The following IFI44 variants were observed in gnomAD, a reference collection of about 807,000 sequenced individuals.
IFI44 encodes interferon-induced protein 44.
IFI44 carries 42 observed loss-of-function variants against 45.0 expected under a neutral mutation model. The observed-to-expected ratio is 0.93, with a 90% CI of 0.73 to 1.21. IFI44 has a LOEUF of 1.21. Among genes scored for constraint, IFI44 ranks in the 50% most tolerant of loss-of-function variants. IFI44 has a pLI of 0.00. For missense variants in IFI44, 623 were observed against 525.8 expected (o/e 1.18, Z -1.81); for synonymous variants, 221 against 188.6 (o/e 1.17, Z -1.41).
At chr1:78,657,984 G>T (rs892839152) in intron 5 of IFI44, among the ~76,000 whole-genome samples, 6 of 151,872 alleles carry the variant, frequency 4.0e-5, no homozygotes, top group African/African-American at 1.5e-4. Context: ...TCTTCAAGTA[G>T]TCCTGGTGTG....
intron 2 of IFI44, among the ~76,000 whole-genome samples, chr1:78,653,903 A>G (rs1647162967): frequency 6.6e-6 from 1 of 152,142 alleles, no homozygotes; most frequent in Non-Finnish European, 1.5e-5. Flanking sequence ...ATATTCCCAC[A>G]TCTCTAGGCC....
At position 78,655,029 on chromosome 1, in the gene IFI44, A is replaced by G; in HGVS notation, c.510A>G (p.Leu170=). The G allele has an allele frequency of 6.2e-7, 1 of 1,612,790 alleles. No homozygotes were observed. The highest frequency in any genetic ancestry group is 1.1e-5 in the South Asian group (1 of 90,930). ...GTCTAAACAGGCTCAGGAAGAGCTTACTGTCTGCCTTGAGAACTTATGAAC... is the reference window on the plus strand; with the variant it reads ...GTCTAAACAGGCTCAGGAAGAGCTTGCTGTCTGCCTTGAGAACTTATGAAC... The part of the protein sequence containing the change: ...IKGVIELRKS[L]LSALRTYEPY... Residue 170 remains leucine, a synonymous_variant, in exon 4 of 9, where the codon TTA becomes TTG. Transcript: ENST00000370747.
chr1:78,657,072 CATATAACT>C (rs1647228847), intron 5 of IFI44, among the ~76,000 whole-genome samples: 1 of 151,708 alleles, frequency 6.6e-6, no homozygotes, highest in Non-Finnish European at 1.5e-5. Context: ...ATTGAATATA[CATATAACT>C]ATATAAATAG....
At chr1:78,656,331 C>A (rs1647211085) in intron 5 of IFI44, among the ~76,000 whole-genome samples, 1 of 152,166 alleles carries the variant, frequency 6.6e-6, no homozygotes, top group Non-Finnish European at 1.5e-5. Flanking sequence ...AACTTGTAGT[C>A]TTTTAATGAA....
At chr1:78,652,263 A>C (rs1213739639) in intron 2 of IFI44, among the ~76,000 whole-genome samples, 1 of 152,028 alleles carries the variant, frequency 6.6e-6, no homozygotes, top group Admixed American at 6.6e-5. Flanking sequence ...TTGTATTTTT[A>C]ATAGAGACAG....
chr1:78,663,086 T>C, intron 8 of IFI44: 2 of 985,366 alleles, frequency 2.0e-6, no homozygotes, highest in Non-Finnish European at 2.4e-6. Context: ...ATCTGCACTA[T>C]GTTTTTCCCT....
At chr1:78,654,504 A>C (rs1647176684) in intron 3 of IFI44, among the ~76,000 whole-genome samples, 1 of 152,084 alleles carries the variant, frequency 6.6e-6, no homozygotes, top group African/African-American at 2.4e-5. Context: ...GAAGAAAAAT[A>C]ATTACTTGTT....
At chr1:78,654,939 A>G in intron 3 of IFI44, 75 bp from the exon 4 acceptor site, 1 of 1,133,906 alleles carries the variant, frequency 8.8e-7, no homozygotes. Flanking sequence ...TGAAAAAATG[A>G]ATTCTCAGAA....
intron 5 of IFI44, 127 bp from the exon 6 acceptor site, chr1:78,659,185 T>A (rs1647311885): frequency 4.3e-6 from 3 of 702,102 alleles, no homozygotes; most frequent in Admixed American, 5.4e-5. Flanking sequence ...CCAAGATTGT[T>A]AGCCTCATAC....
At chr1:78,663,671 TTGGTTGAGATTTTCAG>T (rs1200300220) in intron 8 of IFI44, 78 bp from the exon 9 acceptor site, 15 of 1,541,832 alleles carry the variant, frequency 9.7e-6, no homozygotes, top group African/African-American at 1.4e-5. Context: ...AATATTAGCG[TTGGTTGAGATTTTCAG>T]TGGTCCAATA....
chr1:78,663,885 A>T lies in IFI44; in HGVS notation c.*74A>T. ...TTCAGAAAGGAGAAAACACAGACCA[A>T]AGAGAAGTATCTAAGACCAAAGGGA... On this transcript the variant is annotated 3_prime_UTR_variant, in exon 9 of 9. Coordinates refer to ENST00000370747, the MANE Select transcript of IFI44 (RefSeq NM_006417.5). 1 of 1,443,044 alleles carries T rather than the reference A, an allele frequency of 6.9e-7. No individual in the cohort carries two copies. Among genetic ancestry groups the T allele is most frequent in the Non-Finnish European group, 9.5e-7 (1 of 1,047,420 alleles). The allele number at this position is 1,443,044 out of a possible 1,614,324, so 89.4% of individuals were successfully genotyped here.
intron 3 of IFI44, 89 bp from the exon 4 acceptor site, chr1:78,654,925 T>A: frequency 1.0e-6 from 1 of 994,740 alleles, no homozygotes; most frequent in East Asian, 2.8e-5. Context: ...AAAAATAATA[T>A]CTATGAAAAA....
chr1:78,659,522 A>G, intron 6 of IFI44, 39 bp downstream of exon 6: 1 of 1,510,146 alleles, frequency 6.6e-7, no homozygotes, highest in Non-Finnish European at 9.2e-7. Flanking sequence ...AATACCACTA[A>G]GGGTAATTGA....
chr1:78,663,537 C>T (rs1647592970), intron 8 of IFI44: 2 of 984,864 alleles, frequency 2.0e-6, no homozygotes, highest in Admixed American at 6.2e-5. Flanking sequence ...TTCAGAATAT[C>T]ACATCCTCTC....
intron 7 of IFI44, among the ~76,000 whole-genome samples, chr1:78,661,784 G>A (rs1647472499): frequency 1.3e-5 from 2 of 152,094 alleles, no homozygotes; most frequent in Admixed American, 1.3e-4. Flanking sequence ...ACGGCACAGG[G>A]AAACGGCTTT....
chr1:78,660,448 C>A, intron 6 of IFI44, 106 bp from the exon 7 acceptor site: 1 of 831,450 alleles, frequency 1.2e-6, no homozygotes, highest in Non-Finnish European at 1.9e-6. Flanking sequence ...GGGATCTTTC[C>A]AAATCTGAAA....
chr1:78,655,865 C>T (rs957948763), intron 5 of IFI44, among the ~76,000 whole-genome samples: 1 of 152,096 alleles, frequency 6.6e-6, no homozygotes, highest in Non-Finnish European at 1.5e-5. Flanking sequence ...TTTTGAGGCC[C>T]TCAGCATGGG....
At chr1:78,656,589 C>T (rs1647216383) in intron 5 of IFI44, among the ~76,000 whole-genome samples, 1 of 152,000 alleles carries the variant, frequency 6.6e-6, no homozygotes, top group Non-Finnish European at 1.5e-5. Context: ...AGTTACCAGA[C>T]AAGTCACATT....
Position 78,655,486 on chromosome 1 carries a change from A to G in IFI44, c.815A>G (p.Asn272Ser). 6.2e-7 allele frequency: 1 copy of G among 1,611,330 alleles called. No homozygotes were observed. The highest frequency in any genetic ancestry group is 8.5e-7 in the Non-Finnish European group (1 of 1,179,150). The change falls in exon 5 of 9, where the codon AAC becomes AGC. Residue 272 changes from asparagine to serine, a missense_variant. Coordinates refer to ENST00000370747, the MANE Select transcript of IFI44 (RefSeq NM_006417.5). Reference protein sequence around the residue: ...LCRDDIFYILNGNIRDRYQFN... With the variant: ...LCRDDIFYILSGNIRDRYQFN... ...AGGGATGACATATTCTATATCTTGA[A>G]CGGTAACATTCGTGATAGATACCAG... is the stretch of plus-strand genomic sequence containing the variant.
Sources: allele counts gnomAD v4.1 joint callset (sites outside exome capture counted in the v4.1 genomes callset), GRCh38; gene constraint gnomAD v4.1.1; transcripts MANE v1.5; gene names NCBI Gene and HGNC (gene_info 2026-07-23, HGNC 2026-07-21).